Variants in SOS2 observed in about 807,000 individuals in gnomAD.
SOS2 encodes son of sevenless homolog 2.
Under a neutral mutation model 148.2 loss-of-function variants are expected in SOS2, and 65 were observed. The observed-to-expected ratio is 0.44, with a 90% CI of 0.36 to 0.54. The LOEUF is 0.54. SOS2 is among the 20% of genes least tolerant of loss of function. SOS2 has a pLI of 0.00. For synonymous variants in SOS2, 539 were observed against 537.1 expected (o/e 1.00, Z -0.05); for missense variants, 1,341 against 1,590.2 (o/e 0.84, Z 2.67).
chr14:50,128,965 G>T (rs1402118275), intron 21 of SOS2, among the ~76,000 whole-genome samples: 1 of 152,076 alleles, frequency 6.6e-6, no homozygotes, highest in African/African-American at 2.4e-5. Context: ...ACATTTAAAA[G>T]ACTAAGCTTA....
chr14:50,185,481 C>T (rs988703685), intron 5 of SOS2, among the ~76,000 whole-genome samples: 4 of 152,028 alleles, frequency 2.6e-5, no homozygotes, highest in Admixed American at 2.6e-4. Flanking sequence ...CACCTAACGT[C>T]AGGATTTCGA....
intron 9 of SOS2, among the ~76,000 whole-genome samples, chr14:50,161,008 C>G (rs1231130031): frequency 6.9e-6 from 1 of 145,588 alleles, no homozygotes; most frequent in Non-Finnish European, 1.5e-5. Flanking sequence ...GAGACCCTGT[C>G]TCTTAAAAAA....
In SOS2 at chr14:50,212,432, C is replaced by A. The variant is rs1489672544; in HGVS notation, c.88-8023G>T. On this transcript the variant is annotated intron_variant, in intron 1 of 22. Coordinates refer to ENST00000216373, the MANE Select transcript of SOS2 (RefSeq NM_006939.4). Reference sequence around the variant, plus strand: ...GAGGTTGCAGTGAGCAAAGATCATGCCACTGCACTCCAGCCTGGCAACATA... The same window carrying A: ...GAGGTTGCAGTGAGCAAAGATCATGACACTGCACTCCAGCCTGGCAACATA... 2.0e-5 allele frequency among the ~76,000 whole-genome samples: 3 copies of A among 152,308 alleles called. No homozygotes were observed. In the East Asian group the frequency reaches 5.8e-4, roughly 29 times the overall value.
chr14:50,178,670 GCA>G (rs1491449780), intron 7 of SOS2, among the ~76,000 whole-genome samples: 3,475 of 67,860 alleles, frequency 0.051, 197 homozygotes, highest in African/African-American at 0.097. Context: ...GTGTGTGTGT[GCA>G]TATATATATA....
intron 1 of SOS2, among the ~76,000 whole-genome samples, chr14:50,207,489 G>A (rs566758995): frequency 6.6e-6 from 1 of 151,766 alleles, no homozygotes; most frequent in African/African-American, 2.4e-5. Context: ...CCAGCCTGGG[G>A]GAATGAGCAA....
chr14:50,165,353 G>C (rs1885132787), intron 8 of SOS2, among the ~76,000 whole-genome samples: 1 of 152,036 alleles, frequency 6.6e-6, no homozygotes, highest in Non-Finnish European at 1.5e-5. Flanking sequence ...TTTTATTCTG[G>C]AGAGTTCCTA....
chr14:50,138,010 T>A (rs948095214), intron 18 of SOS2, among the ~76,000 whole-genome samples: 1 of 151,642 alleles, frequency 6.6e-6, no homozygotes, highest in Non-Finnish European at 1.5e-5. Flanking sequence ...CGGCTAATTT[T>A]TTGTATTTTT....
intron 6 of SOS2, among the ~76,000 whole-genome samples, chr14:50,182,240 G>A (rs928723620): frequency 2.0e-5 from 3 of 151,746 alleles, no homozygotes; most frequent in Non-Finnish European, 2.9e-5. Context: ...TCACTCTGTC[G>A]CCCAGGATGG....
intron 18 of SOS2, among the ~76,000 whole-genome samples, chr14:50,136,778 CAG>C (rs896682147): frequency 3.9e-5 from 6 of 151,948 alleles, no homozygotes; most frequent in South Asian, 2.1e-4. Context: ...TTAGTGGAGA[CAG>C]AGTTTCACCA....
intron 1 of SOS2, among the ~76,000 whole-genome samples, chr14:50,214,718 C>G (rs201979885): frequency 3.9e-5 from 4 of 102,424 alleles, no homozygotes; most frequent in South Asian, 3.5e-4. Flanking sequence ...TTTTTTTTTT[C>G]TTTTTCTTTT....
Position 50,182,479 on chromosome 14 carries a change from A to G in SOS2, c.842T>C (p.Phe281Ser), listed in dbSNP as rs1555371627. The stretch of plus-strand genomic sequence containing the variant: ...TAAACTTACTTCTGCCAAATCTTCA[A>G]AACAGCTGCCAGCTAAGGGATGAGG... ...SSPHPLAGSC[F>S]EDLAEEQAFD... is the part of the protein sequence containing the mutation. Residue 281 changes from phenylalanine to serine, a missense_variant, in exon 6 of 23, where the codon TTT (phenylalanine) becomes TCT (serine). By Grantham distance (155) the Phe-to-Ser change is radical (BLOSUM62 -2). Coordinates refer to ENST00000216373, the MANE Select transcript of SOS2 (RefSeq NM_006939.4). The G allele has an allele frequency of 6.2e-7, 1 of 1,614,058 alleles. No homozygotes were observed.
At chr14:50,197,689 C>CTTTTTTTTTTT (rs35121759) in intron 4 of SOS2, among the ~76,000 whole-genome samples, 2 of 125,852 alleles carry the variant, frequency 1.6e-5, no homozygotes, top group Non-Finnish European at 1.7e-5. Flanking sequence ...GCTTTACCAC[C>CTTTTTTTTTTT]TTTTTTTTTT....
rs148127228 is a variant in SOS2 at position 50,195,515 on chromosome 14, A to G, written c.510+4176T>C. Among the ~76,000 whole-genome samples, 136 of 152,348 alleles carry G rather than the reference A, an allele frequency of 8.9e-4. 1 individual carries two copies. The East Asian group carries it at 0.013, about 14-fold the overall frequency. On this transcript the variant is annotated intron_variant, in intron 4 of 22. Transcript: ENST00000216373. ...AGTGGCCAACACCTGTAATCCCAGC[A>G]TCTTGGGAGGTTGAGGCAAGAAAAT...
chr14:50,141,633 G>C (rs1884291189), intron 16 of SOS2, among the ~76,000 whole-genome samples: 1 of 152,276 alleles, frequency 6.6e-6, no homozygotes, highest in South Asian at 2.1e-4. Flanking sequence ...TAAATAAAGA[G>C]ATAAACGATG....
intron 21 of SOS2, among the ~76,000 whole-genome samples, chr14:50,126,835 G>C (rs1883694546): frequency 6.7e-6 from 1 of 150,342 alleles, no homozygotes; most frequent in Admixed American, 6.6e-5. Flanking sequence ...TATTACCAAA[G>C]CAACAGGAAG....
intron 17 of SOS2, 59 bp downstream of exon 17, chr14:50,139,883 T>C (rs973534409): frequency 1.3e-6 from 1 of 779,292 alleles, no homozygotes; most frequent in African/African-American, 1.7e-5. Context: ...CTCTGAAGAC[T>C]GCTCTCTTTT....
At chr14:50,132,799 GC>G (rs980178606) in intron 19 of SOS2, among the ~76,000 whole-genome samples, 7 of 152,080 alleles carry the variant, frequency 4.6e-5, no homozygotes, top group African/African-American at 7.2e-5. Flanking sequence ...GAGAAAGTTA[GC>G]CAAAGCTTTT....
At chr14:50,134,027 C>T (rs1344731737) in intron 19 of SOS2, 96 bp downstream of exon 19, 1 of 747,752 alleles carries the variant, frequency 1.3e-6, no homozygotes, top group Non-Finnish European at 2.4e-6. Context: ...CTAGGAACAG[C>T]CATTCAATTA....
At chr14:50,121,267 T>C (rs1883497281) in intron 21 of SOS2, among the ~76,000 whole-genome samples, 1 of 152,180 alleles carries the variant, frequency 6.6e-6, no homozygotes, top group Non-Finnish European at 1.5e-5. Context: ...AATTACTATC[T>C]TCATTTTAAT....
Sources: allele counts gnomAD v4.1 joint callset (sites outside exome capture counted in the v4.1 genomes callset), GRCh38; gene constraint gnomAD v4.1.1; transcripts MANE v1.5; gene names NCBI Gene and HGNC (gene_info 2026-07-23, HGNC 2026-07-21).